FOXO1: variants seen among roughly 807,000 people sequenced by gnomAD.
FOXO1 encodes forkhead box protein O1.
In FOXO1, 6 loss-of-function variants were observed where a neutral mutation model predicts 44.1. That is an observed-to-expected ratio of 0.14 (90% CI 0.07 to 0.27). The LOEUF (loss-of-function observed/expected upper bound fraction) is 0.27. Ranked by LOEUF, FOXO1 falls within the 10% of genes least tolerant of loss-of-function variation. The pLI is 1.00. For synonymous variants in FOXO1, 380 were observed against 362.7 expected, an observed-to-expected ratio of 1.05 and a Z score of -0.54; for missense variants, 737 against 888.8, an observed-to-expected ratio of 0.83 and a Z score of 2.17.
chr13:40,617,440 A>AC (rs2137897837), intron 1 of FOXO1, among the ~76,000 whole-genome samples: 1 of 152,290 alleles, frequency 6.6e-6, no homozygotes, highest in Non-Finnish European at 1.5e-5. Flanking sequence ...CGTCTCAAAA[A>AC]AAAAAAAAAG....
intron 1 of FOXO1, among the ~76,000 whole-genome samples, chr13:40,623,938 A>AAT (rs1555251781): frequency 9.7e-4 from 132 of 135,702 alleles, no homozygotes; most frequent in African/African-American, 2.4e-3. Context: ...AAAAAAAAAA[A>AAT]TTTTTTTTTT....
At chr13:40,627,728 G>A (rs1037703060) in intron 1 of FOXO1, among the ~76,000 whole-genome samples, 3 of 151,868 alleles carry the variant, frequency 2.0e-5, no homozygotes, top group African/African-American at 7.3e-5. Context: ...AGCTACTCGG[G>A]AAGCTGAGAC....
chr13:40,660,461 C>T (rs1481956460), intron 1 of FOXO1, among the ~76,000 whole-genome samples: 1 of 152,150 alleles, frequency 6.6e-6, no homozygotes, highest in Non-Finnish European at 1.5e-5. Flanking sequence ...AGAGAAATTC[C>T]AGCCAAATAC....
intron 1 of FOXO1, among the ~76,000 whole-genome samples, chr13:40,586,698 T>A (rs1875179732): frequency 3.9e-5 from 6 of 152,234 alleles, no homozygotes. Flanking sequence ...CATGGAATGC[T>A]AAACCTCTAC....
chr13:40,597,646 A>G (rs544992963), intron 1 of FOXO1, among the ~76,000 whole-genome samples: 6 of 152,226 alleles, frequency 3.9e-5, no homozygotes, highest in African/African-American at 1.2e-4. Context: ...CCCTAGAAAG[A>G]ACTTTCCCCT....
Position 40,634,770 on chromosome 13 carries a change from C to T in FOXO1, c.630+30813G>A, listed in dbSNP as rs188379518. On this transcript the variant is annotated intron_variant, in intron 1 of 2. Coordinates refer to ENST00000379561, the MANE Select transcript of FOXO1 (RefSeq NM_002015.4). Reference sequence around the variant, plus strand: ...TCTCAGCTTACTGCAACCTCCACCTCCTGGGCTCAAGCAATTCTCCTTCCT... The same window carrying T: ...TCTCAGCTTACTGCAACCTCCACCTTCTGGGCTCAAGCAATTCTCCTTCCT... Among the ~76,000 whole-genome samples, 1,020 of 152,272 alleles carry T rather than the reference C, an allele frequency of 6.7e-3. 19 individuals are homozygous for T. The highest frequency in any genetic ancestry group is 6.6e-3 in the Non-Finnish European group (451 of 68,036).
chr13:40,640,532 C>A (rs566958100), intron 1 of FOXO1, among the ~76,000 whole-genome samples: 4 of 152,336 alleles, frequency 2.6e-5, no homozygotes, highest in African/African-American at 9.6e-5. Context: ...GGACCTCAGT[C>A]TGGAGCAGGT....
intron 1 of FOXO1, among the ~76,000 whole-genome samples, chr13:40,605,661 A>G (rs7986407): frequency 0.38 from 57,805 of 151,766 alleles, 11,753 homozygotes; most frequent in East Asian, 0.73. Context: ...ATAGGCGTGC[A>G]CTCTGTTTTT....
intron 1 of FOXO1, among the ~76,000 whole-genome samples, chr13:40,664,402 G>T (rs926469337): frequency 6.6e-6 from 1 of 151,848 alleles, no homozygotes; most frequent in South Asian, 2.1e-4. Context: ...AAGCCTCCCC[G>T]GAGCCGAGGG....
Position 40,626,775 on chromosome 13 carries a change from T to C in FOXO1, c.630+38808A>G, listed in dbSNP as rs543520846. ...CTAGGTCCATCAGACACTGCCCCGA[T>C]GATACCAGTCTCAATTCCTTAAAGC... On this transcript the variant is annotated intron_variant, in intron 1 of 2. Coordinates refer to ENST00000379561, the MANE Select transcript of FOXO1 (RefSeq NM_002015.4). Among the ~76,000 whole-genome samples, 11 of 152,320 alleles carry C rather than the reference T, an allele frequency of 7.2e-5. No homozygotes were observed. In the South Asian group the frequency reaches 2.3e-3, roughly 32 times the overall value.
chr13:40,579,472 GAAT>G (rs1299179053), intron 1 of FOXO1, among the ~76,000 whole-genome samples: 1 of 152,208 alleles, frequency 6.6e-6, no homozygotes, highest in Non-Finnish European at 1.5e-5. Flanking sequence ...GACAGGAGAA[GAAT>G]GGGCCAAATC....
rs1184569992 is a variant in FOXO1 at position 40,560,158 on chromosome 13, T to A, written c.1333A>T (p.Asn445Tyr). ...PQMPIQTLQD[N>Y]KSSYGGMSQY... ...CTCATACCTCCATAACTCGACTTAT[T>A]GTCCTGAAGTGTTTGTATAGGCATC... Residue 445 changes from asparagine to tyrosine, a missense_variant, in exon 2 of 3, where the codon AAT becomes TAT. Transcript: ENST00000379561. The surrounding 1 kb of genome is among the most constrained non-coding windows in gnomAD (Gnocchi z 5.1). 1 of 1,614,052 alleles carries A rather than the reference T, an allele frequency of 6.2e-7. No individual in the cohort carries two copies. The highest frequency in any genetic ancestry group is 8.5e-7 in the Non-Finnish European group (1 of 1,180,034).
At chr13:40,581,391 C>G (rs1030382314) in intron 1 of FOXO1, among the ~76,000 whole-genome samples, 1 of 152,180 alleles carries the variant, frequency 6.6e-6, no homozygotes, top group Admixed American at 6.5e-5. Context: ...GCTCCTTGAT[C>G]AGTCATCCTT....
chr13:40,632,932 AG>A (rs922031881), intron 1 of FOXO1, among the ~76,000 whole-genome samples: 5 of 151,926 alleles, frequency 3.3e-5, no homozygotes, highest in African/African-American at 9.7e-5. Flanking sequence ...AAAAAGGAAA[AG>A]AAAAAAAAAG....
At chr13:40,657,017 T>C (rs1477276319) in intron 1 of FOXO1, among the ~76,000 whole-genome samples, 2 of 152,072 alleles carry the variant, frequency 1.3e-5, no homozygotes, top group Non-Finnish European at 2.9e-5. Flanking sequence ...GTCTTTTTAG[T>C]AGAGACGGGA....
intron 1 of FOXO1, among the ~76,000 whole-genome samples, chr13:40,648,733 T>C (rs1593414507): frequency 6.6e-6 from 1 of 152,314 alleles, no homozygotes. Flanking sequence ...TCAAAGGTCA[T>C]GCCCCATATC....
intron 1 of FOXO1, among the ~76,000 whole-genome samples, chr13:40,584,539 T>G (rs1593388325): frequency 6.9e-6 from 1 of 144,068 alleles, no homozygotes; most frequent in East Asian, 2.2e-4. Flanking sequence ...TCCTAGCTAT[T>G]CAGGAGGCTG....
intron 1 of FOXO1, among the ~76,000 whole-genome samples, chr13:40,564,873 A>G (rs374673396): frequency 2.0e-5 from 3 of 152,272 alleles, no homozygotes; most frequent in African/African-American, 7.2e-5. Flanking sequence ...TGCCATCTGC[A>G]TGCCTGGCCA....
intron 1 of FOXO1, among the ~76,000 whole-genome samples, chr13:40,578,100 T>G (rs2137846618): frequency 6.6e-6 from 1 of 152,236 alleles, no homozygotes; most frequent in South Asian, 2.1e-4. Flanking sequence ...AAAGCAAAAT[T>G]GCACGCAAAG....
Sources: gnomAD v4.1 joint callset for allele counts (sites outside exome capture counted in the v4.1 genomes callset) on GRCh38, gnomAD v4.1.1 for gene constraint, Gnocchi (gnomAD v3.1) non-coding constraint, MANE v1.5 for transcripts, NCBI Gene and HGNC (gene_info 2026-07-23, HGNC 2026-07-21) for gene names.